Variants in CCNB1IP1 observed in about 807,000 individuals in gnomAD.
CCNB1IP1 encodes cyclin B1 interacting protein 1, also known as E3 ubiquitin-protein ligase CCNB1IP1.
A neutral mutation model predicts 25.6 loss-of-function variants in CCNB1IP1; 14 were observed. That is an observed-to-expected ratio of 0.55 (90% confidence interval 0.36 to 0.85). CCNB1IP1 has a LOEUF of 0.85. CCNB1IP1 is among the 40% of genes least tolerant of loss of function. The pLI, the probability that CCNB1IP1 is intolerant of heterozygous loss-of-function variation, is 0.01. For synonymous variants in CCNB1IP1, 119 were observed against 116.1 expected, an observed-to-expected ratio of 1.02 and a Z score of -0.16; for missense variants, 278 against 342.4, an observed-to-expected ratio of 0.81 and a Z score of 1.48.
At position 20,316,395 on chromosome 14, in the gene CCNB1IP1, G is replaced by A; in HGVS notation, c.129C>T (p.Arg43=). ...CDQHGSGEFS[R]SPAICPACNS... ...TGCAGGCAGGACAGATAGCTGGTGA[G>A]CGACTAAACTCACCACTGCCATGCT... is the stretch of plus-strand genomic sequence containing the variant. Residue 43 remains arginine, a synonymous_variant, in exon 5 of 7, where the codon CGC becomes CGT. Transcript: ENST00000358932. 6.2e-7 allele frequency: 1 copy of A among 1,613,970 alleles called. No homozygotes were observed. The highest frequency in any genetic ancestry group is 8.5e-7 in the Non-Finnish European group (1 of 1,179,898).
chr14:20,331,122 A>G (rs567979884), intron 1 of CCNB1IP1, among the ~76,000 whole-genome samples: 1 of 152,352 alleles, frequency 6.6e-6, no homozygotes, highest in South Asian at 2.1e-4. Flanking sequence ...GCATGTTTAC[A>G]TCCTAAAATA....
At position 20,315,136 on chromosome 14, in the gene CCNB1IP1, CAAAAAAAA is replaced by C. The variant is rs1159450735; in HGVS notation, c.297+1083_297+1090del. ...ACCAAGAACTTCATATACACCTCAC[CAAAAAAAA>C]AAAAAAAAAAAAAAAAAAAAGGCAA... On this transcript the variant is annotated intron_variant, in intron 5 of 6. Coordinates refer to ENST00000358932, the MANE Select transcript of CCNB1IP1 (RefSeq NM_021178.5). Among the ~76,000 whole-genome samples the C allele has an allele frequency of 3.3e-4, 3 of 9,066 alleles. No individual in the cohort carries two copies. The Admixed American group carries it at 6.0e-3, about 18-fold the overall frequency. 5.9% of individuals were successfully genotyped at this position (9,066 alleles called of 152,430 possible).
intron 4 of CCNB1IP1, chr14:20,323,097 T>C (rs1045214611): frequency 4.0e-4 from 61 of 152,320 alleles, no homozygotes; most frequent in African/African-American, 1.4e-3. Context: ...TACTATATGC[T>C]CGTGTTTTGA....
At chr14:20,316,714 T>C (rs1446775343) in intron 4 of CCNB1IP1, among the ~76,000 whole-genome samples, 154 bp from the exon 5 acceptor site, 1 of 152,232 alleles carries the variant, frequency 6.6e-6, no homozygotes, top group African/African-American at 2.4e-5. Context: ...TTTCAGTTAC[T>C]CAATAATATT....
chr14:20,316,521 CATAAT>C lies in CCNB1IP1; in HGVS notation c.-3_2del. On this transcript the variant is annotated start_lost and 5_prime_UTR_variant, in exon 5 of 7. Coordinates refer to ENST00000358932, the MANE Select transcript of CCNB1IP1 (RefSeq NM_021178.5). ...AAAGCAGCATGTCTTCACACAAAGA[CATAAT>C]AGGATAGTGAGGTCTCCAGAAGCTG... is the stretch of plus-strand genomic sequence containing the variant. 2 of 1,603,816 alleles carry C rather than the reference CATAAT, an allele frequency of 1.2e-6. No individual in the cohort carries two copies. The highest frequency in any genetic ancestry group is 3.3e-5 in the Admixed American group (2 of 59,964).
intron 1 of CCNB1IP1, among the ~76,000 whole-genome samples, chr14:20,330,125 A>AAAAAAAAAAAAAAAAAC (rs1345596226): frequency 1.3e-4 from 19 of 150,920 alleles, no homozygotes; most frequent in African/African-American, 4.4e-4. Flanking sequence ...AAAACAAAAA[A>AAAAAAAAAAAAAAAAAC]CATGTCCTTT....
intron 4 of CCNB1IP1, among the ~76,000 whole-genome samples, chr14:20,320,023 T>C (rs928703661): frequency 6.6e-5 from 10 of 152,254 alleles, no homozygotes; most frequent in African/African-American, 2.4e-4. Flanking sequence ...TTTTTTCATC[T>C]GAATGACTAC....
At chr14:20,323,981 CA>C (rs1446929394) in intron 4 of CCNB1IP1, among the ~76,000 whole-genome samples, 1 of 147,756 alleles carries the variant, frequency 6.8e-6, no homozygotes, top group African/African-American at 2.5e-5. Flanking sequence ...ACTGATCCAG[CA>C]AGGGAAAATG....
chr14:20,331,399 G>A (rs1325462163), intron 1 of CCNB1IP1, among the ~76,000 whole-genome samples: 1 of 152,076 alleles, frequency 6.6e-6, no homozygotes, highest in Non-Finnish European at 1.5e-5. Flanking sequence ...TTTTCCTTTC[G>A]GTAGAAAATC....
chr14:20,313,571 G>T lies in CCNB1IP1; in HGVS notation c.528C>A (p.Gly176=). ...TTCGTAGCCTAAGGCTATCATAGAG[G>T]CCTTGGAGCTTTTGATACTGACGAT... The part of the protein sequence containing the change: ...ERNRQYQKLQ[G]LYDSLRLRNI... Residue 176 remains glycine, a synonymous_variant, in exon 6 of 7, where the codon GGC becomes GGA. Transcript: ENST00000358932. 6.2e-7 allele frequency: 1 copy of T among 1,614,138 alleles called. No homozygotes were observed.
chr14:20,317,385 C>T (rs1022709440), intron 4 of CCNB1IP1, among the ~76,000 whole-genome samples: 1 of 151,756 alleles, frequency 6.6e-6, no homozygotes, highest in Non-Finnish European at 1.5e-5. Context: ...CAGCCGGCGA[C>T]GGACTCCGTC....
At chr14:20,319,802 A>G (rs6575135) in intron 4 of CCNB1IP1, among the ~76,000 whole-genome samples, 48,375 of 152,120 alleles carry the variant, frequency 0.32, 8,543 homozygotes, top group African/African-American at 0.48. Context: ...ACTTCAAATC[A>G]ACTAAATGTT....
intron 4 of CCNB1IP1, among the ~76,000 whole-genome samples, chr14:20,320,009 A>G (rs1180197519): frequency 6.6e-6 from 1 of 152,226 alleles, no homozygotes; most frequent in Non-Finnish European, 1.5e-5. Context: ...CGTAAGAGTG[A>G]GCATTTTTTC....
chr14:20,316,661 CATTTT>C (rs1882709164), intron 4 of CCNB1IP1, 101 bp from the exon 5 acceptor site: 7 of 613,148 alleles, frequency 1.1e-5, no homozygotes, highest in East Asian at 2.8e-5. Context: ...AAATACTGCA[CATTTT>C]ATTATATTCC....
intron 4 of CCNB1IP1, chr14:20,318,449 G>T (rs971563145): frequency 1.3e-5 from 2 of 150,916 alleles, no homozygotes; most frequent in Non-Finnish European, 2.9e-5. Context: ...CTCCAGCCAC[G>T]GCAACAAGAG....
Position 20,332,017 on chromosome 14 carries a change from T to TGATGTGTATAC in CCNB1IP1, c.-431+1236_-431+1237insGTATACACATC, listed in dbSNP as rs66601152. Among the ~76,000 whole-genome samples, 342 of 78,164 alleles carry TGATGTGTATAC rather than the reference T, an allele frequency of 4.4e-3. 1 individual carries two copies. The highest frequency in any genetic ancestry group is 6.3e-3 in the Non-Finnish European group (271 of 43,062). 51.3% of individuals were successfully genotyped at this position (78,164 alleles called of 152,430 possible). On this transcript the variant is annotated intron_variant, in intron 1 of 6. Coordinates refer to ENST00000358932, the MANE Select transcript of CCNB1IP1 (RefSeq NM_021178.5). Reference sequence around the variant, plus strand: ...TATGATGTGTATACATATATATATATATATATATATTTTTTTTTTTTTTTT... The same window carrying TGATGTGTATAC: ...TATGATGTGTATACATATATATATATGATGTGTATACATATATATATTTTTTTTTTTTTTTT...
chr14:20,324,758 G>A (rs1316312628), intron 4 of CCNB1IP1, among the ~76,000 whole-genome samples: 1 of 152,088 alleles, frequency 6.6e-6, no homozygotes. Flanking sequence ...TAGAGCATGC[G>A]TTTGAACTCA....
At chr14:20,322,060 T>C (rs1332409186) in intron 4 of CCNB1IP1, among the ~76,000 whole-genome samples, 1 of 152,230 alleles carries the variant, frequency 6.6e-6, no homozygotes, top group Non-Finnish European at 1.5e-5. Flanking sequence ...TCAAGTAAGA[T>C]TGTAAATAAA....
At chr14:20,317,179 G>A (rs1882730779) in intron 4 of CCNB1IP1, among the ~76,000 whole-genome samples, 1 of 152,036 alleles carries the variant, frequency 6.6e-6, no homozygotes, top group African/African-American at 2.4e-5. Flanking sequence ...AGGAGGCCAA[G>A]GCGGGCGGAT....
Sources: gnomAD v4.1 joint callset for allele counts (sites outside exome capture counted in the v4.1 genomes callset) on GRCh38, gnomAD v4.1.1 for gene constraint, MANE v1.5 for transcripts, NCBI Gene and HGNC (gene_info 2026-07-23, HGNC 2026-07-21) for gene names.